ABAT: variants seen among roughly 807,000 people sequenced by gnomAD.
The protein encoded by ABAT is 4-aminobutyrate aminotransferase, also known as 4-aminobutyrate aminotransferase, mitochondrial.
ABAT carries 45 observed loss-of-function variants against 64.6 expected under a neutral mutation model. The observed-to-expected ratio is 0.70, with a 90% CI of 0.55 to 0.89. The LOEUF is 0.89. Ranked by LOEUF, ABAT falls within the 40% of genes least tolerant of loss-of-function variation. The pLI is 0.00. For synonymous variants in ABAT, 297 were observed against 250.5 expected (o/e 1.19, Z -1.75); for missense variants, 633 against 658.4 (o/e 0.96, Z 0.42).
At chr16:8,772,630 C>G in intron 11 of ABAT, 150 bp from the exon 12 acceptor site, 1 of 1,098,000 alleles carries the variant, frequency 9.1e-7, no homozygotes, top group Non-Finnish European at 1.4e-6. Flanking sequence ...ACACACATAG[C>G]TTCTAACAGA....
At position 8,776,248 on chromosome 16, in the gene ABAT, C is replaced by T; in HGVS notation, c.1123-96C>T. ...GTAGATGCCCACTAGATTAGTTTCT[C>T]TCCTCTTCAAGAGAGGAGGCGGGGC... On this transcript the variant is annotated intron_variant, in intron 13 of 15. Coordinates refer to ENST00000268251, the MANE Select transcript of ABAT (RefSeq NM_020686.6). The surrounding 1 kb of genome is among the most constrained non-coding windows in gnomAD (Gnocchi z 4.4). 6.4e-7 allele frequency: 1 copy of T among 1,560,284 alleles called. No homozygotes were observed. Among genetic ancestry groups the T allele is most frequent in the Admixed American group, 1.7e-5 (1 of 59,722 alleles).
At position 8,772,909 on chromosome 16, in the gene ABAT, G is replaced by C; in HGVS notation, c.946G>C (p.Ala316Pro). 5.6e-6 allele frequency: 9 copies of C among 1,613,700 alleles called. No homozygotes were observed. Among genetic ancestry groups the C allele is most frequent in the Non-Finnish European group, 7.6e-6 (9 of 1,179,982 alleles). The stretch of plus-strand genomic sequence containing the variant: ...CTTCTTTCGGAAGCTGAGAGACATC[G>C]CCAGGAAGGTCAGTGGACAGGGCCG... ...DDFFRKLRDI[A>P]RKHGCAFLVD... The change falls in exon 12 of 16, where the codon GCC becomes CCC. Residue 316 changes from alanine (A) to proline (P), a missense_variant. Physicochemically the swap from Ala to Pro is conservative, Grantham distance 27. Coordinates refer to ENST00000268251, the MANE Select transcript of ABAT (RefSeq NM_020686.6).
At chr16:8,772,171 T>A (rs538261630) in intron 11 of ABAT, among the ~76,000 whole-genome samples, 1 of 152,008 alleles carries the variant, frequency 6.6e-6, no homozygotes, top group African/African-American at 2.4e-5. Flanking sequence ...TAATAATCAA[T>A]AATAATATAG....
intron 1 of ABAT, among the ~76,000 whole-genome samples, chr16:8,719,793 T>C (rs2058315106): frequency 1.3e-5 from 2 of 152,180 alleles, no homozygotes; most frequent in South Asian, 2.1e-4. Context: ...AAAAAAGAAG[T>C]TGTTCACAAT....
At chr16:8,734,019 T>C (rs73499541) in intron 1 of ABAT, among the ~76,000 whole-genome samples, 2,018 of 152,286 alleles carry the variant, frequency 0.013, 53 homozygotes, top group African/African-American at 0.046. Flanking sequence ...TACAGCATAT[T>C]TTTTCCCATT....
intron 11 of ABAT, among the ~76,000 whole-genome samples, chr16:8,769,501 A>G (rs1274860447): frequency 6.7e-6 from 1 of 148,680 alleles, no homozygotes; most frequent in Admixed American, 6.7e-5. Flanking sequence ...AGAGGTTGCA[A>G]TGAGCCAAGA....
At chr16:8,713,912 G>C (rs1194725307) in intron 1 of ABAT, 2 of 456,018 alleles carry the variant, frequency 4.4e-6, no homozygotes, top group Non-Finnish European at 8.8e-6. Context: ...CCTTACATGT[G>C]TATGTATTTG....
intron 2 of ABAT, among the ~76,000 whole-genome samples, chr16:8,740,910 C>G (rs1567297746): frequency 6.6e-6 from 1 of 152,220 alleles, no homozygotes. Context: ...AACAGAAAAG[C>G]AGAGCAAACA....
chr16:8,744,773 C>G (rs904188128), intron 2 of ABAT, among the ~76,000 whole-genome samples: 3 of 151,790 alleles, frequency 2.0e-5, no homozygotes, highest in Non-Finnish European at 2.9e-5. Context: ...GAGGCCGAGG[C>G]AGGAGAATCA....
intron 1 of ABAT, chr16:8,714,496 T>A (rs774350902): frequency 1.3e-5 from 2 of 152,242 alleles, no homozygotes; most frequent in Non-Finnish European, 2.9e-5. Flanking sequence ...TGTGGCTGAT[T>A]AGAAGTTCAT....
In ABAT at chr16:8,740,811, A is replaced by G. The variant is rs113008694; in HGVS notation, c.70+5002A>G. ...AAATTAAATGTGTTTTCTTTTTTCC[A>G]TGTTGCTTATTGGTATCTTCCTCAA... On this transcript the variant is annotated intron_variant, in intron 2 of 15. Coordinates refer to ENST00000268251, the MANE Select transcript of ABAT (RefSeq NM_020686.6). 2.6e-3 allele frequency among the ~76,000 whole-genome samples: 398 copies of G among 152,336 alleles called. 14 individuals are homozygous for G. Among genetic ancestry groups the G allele is most frequent in the Middle Eastern group, 3.4e-3 (1 of 294 alleles).
chr16:8,682,986 G>C (rs959484798), intron 1 of ABAT, among the ~76,000 whole-genome samples: 5 of 152,226 alleles, frequency 3.3e-5, no homozygotes, highest in Admixed American at 2.6e-4. Context: ...GCTAGGGATA[G>C]CTTTGCTGAT....
chr16:8,705,690 G>T (rs988670233), intron 1 of ABAT, among the ~76,000 whole-genome samples: 1 of 152,160 alleles, frequency 6.6e-6, no homozygotes, highest in African/African-American at 2.4e-5. Flanking sequence ...CAGGCAGTTC[G>T]TTGGTTGGTG....
Position 8,776,536 on chromosome 16 carries a change from G to A in ABAT, c.1269+46G>A, listed in dbSNP as rs770624474. 1.5e-5 allele frequency: 20 copies of A among 1,320,152 alleles called. No individual in the cohort carries two copies. The highest frequency in any genetic ancestry group is 8.7e-5 in the South Asian group (7 of 80,126). 81.8% of individuals were successfully genotyped at this position (1,320,152 alleles called of 1,614,324 possible). ...CCGCCCCCACCACCCATGGCTCCCCGCAGCAGCCTCCGGGGCAACACTGGA... is the reference window on the plus strand; with the variant it reads ...CCGCCCCCACCACCCATGGCTCCCCACAGCAGCCTCCGGGGCAACACTGGA... On this transcript the variant is annotated intron_variant, in intron 14 of 15. Coordinates refer to ENST00000268251, the MANE Select transcript of ABAT (RefSeq NM_020686.6). The surrounding 1 kb of genome is among the most constrained non-coding windows in gnomAD (Gnocchi z 4.4).
At chr16:8,724,284 C>A (rs1276521146) in intron 1 of ABAT, among the ~76,000 whole-genome samples, 1 of 152,048 alleles carries the variant, frequency 6.6e-6, no homozygotes, top group Non-Finnish European at 1.5e-5. Flanking sequence ...GTGCTTCCTG[C>A]TAACAGGTCA....
intron 1 of ABAT, among the ~76,000 whole-genome samples, chr16:8,704,400 C>T (rs1315904576): frequency 2.0e-5 from 3 of 152,184 alleles, no homozygotes; most frequent in African/African-American, 7.2e-5. Context: ...ACTCTCATGC[C>T]CTGGTGAAGT....
chr16:8,763,263 T>A (rs1025384739), intron 6 of ABAT, among the ~76,000 whole-genome samples: 1 of 152,182 alleles, frequency 6.6e-6, no homozygotes, highest in African/African-American at 2.4e-5. Flanking sequence ...CCTTCTTGGC[T>A]GTGTGACTTG....
At chr16:8,768,111 G>A in intron 9 of ABAT, 82 bp from the exon 10 acceptor site, 1 of 1,422,562 alleles carries the variant, frequency 7.0e-7, no homozygotes, top group Non-Finnish European at 9.9e-7. Flanking sequence ...AGATTTCTGT[G>A]TCCCTCTGGA....
In ABAT at chr16:8,735,736, G is replaced by C; in HGVS notation, c.-4G>C. On this transcript the variant is annotated 5_prime_UTR_variant, in exon 2 of 16. Coordinates refer to ENST00000268251, the MANE Select transcript of ABAT (RefSeq NM_020686.6). ...CAAAGGGTGTCCCTGTCCCTCAAGGGGTCATGGCCTCCATGTTGCTCGCCC... is the reference window on the plus strand; with the variant it reads ...CAAAGGGTGTCCCTGTCCCTCAAGGCGTCATGGCCTCCATGTTGCTCGCCC... 6.2e-7 allele frequency: 1 copy of C among 1,601,334 alleles called. No homozygotes were observed. Among genetic ancestry groups the C allele is most frequent in the East Asian group, 2.2e-5 (1 of 44,622 alleles).
Sources: gnomAD v4.1 joint callset for allele counts (sites outside exome capture counted in the v4.1 genomes callset) on GRCh38, gnomAD v4.1.1 for gene constraint, Gnocchi (gnomAD v3.1) non-coding constraint, MANE v1.5 for transcripts, NCBI Gene and HGNC (gene_info 2026-07-23, HGNC 2026-07-21) for gene names.